The following NDFIP2 variants were observed in gnomAD, a reference collection of about 807,000 sequenced individuals.
The protein encoded by NDFIP2 is Nedd4 family interacting protein 2, also known as NEDD4 family-interacting protein 2.
In NDFIP2, 19 loss-of-function variants were observed where a neutral mutation model predicts 36.0. That is an observed-to-expected ratio of 0.53 (90% CI 0.37 to 0.77). NDFIP2 has a LOEUF of 0.77. NDFIP2 is among the 30% of genes least tolerant of loss of function. The pLI is 0.00. For missense variants in NDFIP2, 446 were observed against 435.8 expected, an observed-to-expected ratio of 1.02 and a Z score of -0.21; for synonymous variants, 181 against 167.7, an observed-to-expected ratio of 1.08 and a Z score of -0.61.
chr13:79,541,457 C>A (rs1380557145), intron 4 of NDFIP2, among the ~76,000 whole-genome samples: 1 of 151,268 alleles, frequency 6.6e-6, no homozygotes, highest in Non-Finnish European at 1.5e-5. Context: ...TAAATTTTTA[C>A]TAAATTGTTT....
chr13:79,538,641 G>A (rs947399200), intron 3 of NDFIP2, among the ~76,000 whole-genome samples: 12 of 152,178 alleles, frequency 7.9e-5, no homozygotes, highest in African/African-American at 2.4e-4. Context: ...GGAGTGCAGC[G>A]GTGTGATCTC....
At position 79,548,388 on chromosome 13, in the gene NDFIP2, G is replaced by C. The variant is rs1425890930; in HGVS notation, c.901G>C (p.Val301Leu). 1.0e-5 allele frequency: 16 copies of C among 1,583,742 alleles called. No individual in the cohort carries two copies. The highest frequency in any genetic ancestry group is 1.4e-5 in the Non-Finnish European group (16 of 1,159,942). ...GTATTGGCTTTGGTGGATATTTCTT[G>C]TACTTGGTAAGTTTATTCTTAATGC... ...GQYWLWWIFL[V>L]LGLLLFFRGF... The change falls in exon 6 of 8, where the codon GTA becomes CTA. Residue 301 changes from valine (V) to leucine (L), a missense_variant. This residue lies in a region of NDFIP2 where 77 missense variants were observed against 131.0 expected (regional missense o/e 0.59). Transcript: ENST00000218652.
chr13:79,553,803 A>G lies in NDFIP2; in HGVS notation c.*1290A>G, dbSNP rs1875998426. ...TATTTCCCATCTTGCAAATCATTTT[A>G]TGTCTCATCTGTTTTTCCTTTCGGT... On this transcript the variant is annotated 3_prime_UTR_variant, in exon 8 of 8. Transcript: ENST00000218652. 6.6e-6 allele frequency: 1 copy of G among 152,010 alleles called. No homozygotes were observed. Among genetic ancestry groups the G allele is most frequent in the African/African-American group, 2.4e-5 (1 of 41,420 alleles). 9.4% of individuals were successfully genotyped at this position (152,010 alleles called of 1,614,324 possible).
At chr13:79,505,894 T>G (rs1281110603) in intron 1 of NDFIP2, among the ~76,000 whole-genome samples, 1 of 152,130 alleles carries the variant, frequency 6.6e-6, no homozygotes. Context: ...ACTCTATGTA[T>G]TATTAGTGTT....
chr13:79,532,473 G>A (rs1467329225), intron 2 of NDFIP2, among the ~76,000 whole-genome samples: 1 of 152,074 alleles, frequency 6.6e-6, no homozygotes, highest in African/African-American at 2.4e-5. Context: ...GACCTGTATA[G>A]CACTTTACTT....
intron 1 of NDFIP2, among the ~76,000 whole-genome samples, chr13:79,489,579 C>G (rs1158202427): frequency 6.6e-6 from 1 of 152,178 alleles, no homozygotes; most frequent in Non-Finnish European, 1.5e-5. Context: ...CAATTTGACC[C>G]CTTAGTAGAT....
At chr13:79,519,373 T>C (rs1026627396) in intron 1 of NDFIP2, among the ~76,000 whole-genome samples, 1 of 152,244 alleles carries the variant, frequency 6.6e-6, no homozygotes, top group Admixed American at 6.5e-5. Context: ...AGGATCAAAG[T>C]ACTTCTTGAT....
intron 4 of NDFIP2, among the ~76,000 whole-genome samples, chr13:79,542,871 ACCTTTTTTTT>A (rs1419619963): frequency 2.0e-5 from 3 of 150,770 alleles, no homozygotes; most frequent in African/African-American, 7.4e-5. Context: ...TGTTTTGTTT[ACCTTTTTTTT>A]CCTTTTTTTT....
chr13:79,513,646 G>GA (rs1874159832), intron 1 of NDFIP2, among the ~76,000 whole-genome samples: 1 of 152,062 alleles, frequency 6.6e-6, no homozygotes, highest in South Asian at 2.1e-4. Flanking sequence ...TTAGAGGAAA[G>GA]AAAGTGTGAG....
At chr13:79,510,886 C>G (rs1001721613) in intron 1 of NDFIP2, among the ~76,000 whole-genome samples, 1 of 151,230 alleles carries the variant, frequency 6.6e-6, no homozygotes, top group African/African-American at 2.4e-5. Flanking sequence ...GTAATCTCAG[C>G]TACTTGGGAG....
intron 6 of NDFIP2, among the ~76,000 whole-genome samples, chr13:79,550,083 C>T (rs1272493553): frequency 6.6e-6 from 1 of 151,782 alleles, no homozygotes; most frequent in Admixed American, 6.6e-5. Flanking sequence ...CATACACATA[C>T]AGTAGATATC....
intron 2 of NDFIP2, among the ~76,000 whole-genome samples, chr13:79,530,525 T>C (rs1369475843): frequency 6.6e-6 from 1 of 152,198 alleles, no homozygotes; most frequent in Non-Finnish European, 1.5e-5. Context: ...TTTATGGCAT[T>C]TTACCCACAC....
chr13:79,543,761 C>A lies in NDFIP2; in HGVS notation c.840+79C>A. On this transcript the variant is annotated intron_variant, in intron 5 of 7. Transcript: ENST00000218652. ...ATTTTCTGTGTGGTTCATAAATGGTCACTTTATTTTCATGAATTCAGTTAT... is the reference window on the plus strand; with the variant it reads ...ATTTTCTGTGTGGTTCATAAATGGTAACTTTATTTTCATGAATTCAGTTAT... The A allele has an allele frequency of 2.0e-6, 3 of 1,527,038 alleles. No individual in the cohort carries two copies. The South Asian group carries it at 3.7e-5, about 19-fold the overall frequency. 94.6% of individuals were successfully genotyped at this position (1,527,038 alleles called of 1,614,324 possible). A position where few individuals can be genotyped will look rare whatever the true frequency, so the allele number is the denominator to read the frequency against.
At chr13:79,507,564 G>A (rs955162390) in intron 1 of NDFIP2, among the ~76,000 whole-genome samples, 1 of 18,218 alleles carries the variant, frequency 5.5e-5, no homozygotes, top group Admixed American at 6.5e-4. Context: ...GTGAGCCACC[G>A]CGCCCGGCCT....
intron 1 of NDFIP2, 140 bp downstream of exon 1, chr13:79,481,664 C>G (rs1488885553): frequency 1.9e-5 from 20 of 1,066,116 alleles, no homozygotes; most frequent in Non-Finnish European, 5.3e-6. Context: ...GATCTTCTGG[C>G]TGGAGCTGCT....
intron 1 of NDFIP2, among the ~76,000 whole-genome samples, chr13:79,494,452 ATATT>A (rs1251006474): frequency 6.6e-6 from 1 of 152,020 alleles, no homozygotes; most frequent in Non-Finnish European, 1.5e-5. Context: ...CTTTAGTTAT[ATATT>A]TATTGTTAAT....
chr13:79,481,825 C>T (rs568828806), intron 1 of NDFIP2, among the ~76,000 whole-genome samples: 1 of 152,232 alleles, frequency 6.6e-6, no homozygotes, highest in East Asian at 1.9e-4. Context: ...GTTTTAATTT[C>T]TCACTTTATC....
intron 2 of NDFIP2, among the ~76,000 whole-genome samples, chr13:79,526,382 G>A (rs536569692): frequency 6.6e-4 from 101 of 152,224 alleles, no homozygotes; most frequent in African/African-American, 2.4e-3. Flanking sequence ...GAGAGGTTTG[G>A]GCTAGAAATA....
At chr13:79,520,058 C>T (rs911447405) in intron 1 of NDFIP2, among the ~76,000 whole-genome samples, 2 of 152,230 alleles carry the variant, frequency 1.3e-5, no homozygotes, top group African/African-American at 4.8e-5. Flanking sequence ...ACCTTGGCCT[C>T]CCAATGTGCT....
Sources: allele counts gnomAD v4.1 joint callset (sites outside exome capture counted in the v4.1 genomes callset), GRCh38; gene constraint gnomAD v4.1.1; regional missense constraint gnomAD v4.1.1; transcripts MANE v1.5; gene names NCBI Gene and HGNC (gene_info 2026-07-23, HGNC 2026-07-21).